Variants in NAV1 observed in about 807,000 individuals in gnomAD.
The protein encoded by NAV1 is pore membrane and/or filament interacting like protein 3.
NAV1 carries 18 observed loss-of-function variants against 175.2 expected under a neutral mutation model. That is an observed-to-expected ratio of 0.10 (90% CI 0.07 to 0.15). The LOEUF is 0.15. NAV1 is among the 10% of genes least tolerant of loss of function. The probability of loss-of-function intolerance (pLI) is 1.00; values close to 1 mark genes in which losing one functional copy is unlikely to be tolerated. For synonymous variants in NAV1, 897 were observed against 978.7 expected, an observed-to-expected ratio of 0.92 and a Z score of 1.56; for missense variants, 1,731 against 2,436.6, an observed-to-expected ratio of 0.71 and a Z score of 6.10.
intron 2 of NAV1, among the ~76,000 whole-genome samples, chr1:201,589,272 T>G (rs981660862): frequency 6.6e-6 from 1 of 152,212 alleles, no homozygotes; most frequent in Non-Finnish European, 1.5e-5. Flanking sequence ...CCCATTAACA[T>G]GCAGCAGAAA....
chr1:201,546,116 G>C (rs1415255876), intron 1 of NAV1, among the ~76,000 whole-genome samples: 1 of 152,216 alleles, frequency 6.6e-6, no homozygotes, highest in African/African-American at 2.4e-5. Context: ...GCCCCAGCCA[G>C]GACCCATACG....
intron 2 of NAV1, among the ~76,000 whole-genome samples, chr1:201,612,678 C>T (rs564360398): frequency 2.6e-5 from 4 of 152,166 alleles, no homozygotes; most frequent in Non-Finnish European, 5.9e-5. Flanking sequence ...GTGTAGCCCT[C>T]ATGACCTAAT....
chr1:201,546,323 G>A (rs895567792), intron 1 of NAV1, among the ~76,000 whole-genome samples: 5 of 152,210 alleles, frequency 3.3e-5, no homozygotes, highest in Non-Finnish European at 7.3e-5. Context: ...GATTTAGAAG[G>A]TGTCAGCCAC....
At chr1:201,798,994 G>A (rs1316914534) in intron 15 of NAV1, among the ~76,000 whole-genome samples, 1 of 151,766 alleles carries the variant, frequency 6.6e-6, no homozygotes, top group Non-Finnish European at 1.5e-5. Flanking sequence ...GAGCCACCGT[G>A]TCCAGCCACT....
chr1:201,785,481 G>A, intron 8 of NAV1, 130 bp downstream of exon 12: 4 of 955,786 alleles, frequency 4.2e-6, no homozygotes, highest in South Asian at 3.0e-5. Context: ...TTTGTATGTG[G>A]TCCCATACAA....
chr1:201,607,870 TTGTGTGTGTGTGTGTGTG>T (rs57110688), intron 2 of NAV1, among the ~76,000 whole-genome samples: 30 of 138,256 alleles, frequency 2.2e-4, no homozygotes, highest in East Asian at 4.2e-4. Context: ...GATAACTTTA[TTGTGTGTGTGTGTGTGTG>T]TGTGTGTGTG....
In NAV1 at chr1:201,685,019, G is replaced by A. The variant is rs561730347; in HGVS notation, c.758-27798G>A. ...TGGCCGGGCGCGGTGGCTTATGCCT[G>A]TAATCCCAACTGTTTGGGGAGGCCA... On this transcript the variant is annotated intron_variant, in intron 1 of 29. Coordinates refer to ENST00000367296, the Ensembl canonical transcript of NAV1. Among the ~76,000 whole-genome samples the A allele has an allele frequency of 4.6e-4, 68 of 148,994 alleles. 1 individual carries two copies. The highest frequency in any genetic ancestry group is 1.6e-3 in the African/African-American group (63 of 40,440).
chr1:201,642,560 C>CTTTCTTTCTTTCTTTCTTA, intron 2 of NAV1, among the ~76,000 whole-genome samples: 1 of 32,918 alleles, frequency 3.0e-5, no homozygotes, highest in Admixed American at 3.9e-4. Context: ...TTTCTTTTTT[C>CTTTCTTTCTTTCTTTCTTA]CCTTTCTTCC....
At chr1:201,702,367 T>C (rs1671461945) in intron 1 of NAV1, among the ~76,000 whole-genome samples, 2 of 152,194 alleles carry the variant, frequency 1.3e-5, no homozygotes, top group East Asian at 3.8e-4. Flanking sequence ...TTATTTGTTT[T>C]TTTTATTATT....
chr1:201,740,009 C>T lies in NAV1; in HGVS notation c.1226+21254C>T, dbSNP rs1050072662. ...TGGGTGCCCACCCGGTGAATGGCCG[C>T]CTGAGCCGGGGAAGATGCTTCATCT... On this transcript the variant is annotated intron_variant, in intron 3 of 29. Transcript: ENST00000367296. The surrounding 1 kb of genome is among the most constrained non-coding windows in gnomAD (Gnocchi z 4.7). The T allele has an allele frequency of 2.0e-6, 3 of 1,473,702 alleles. No homozygotes were observed. The highest frequency in any genetic ancestry group is 2.7e-6 in the Non-Finnish European group (3 of 1,109,740). 91.3% of individuals were successfully genotyped at this position (1,473,702 alleles called of 1,614,324 possible). A position where few individuals can be genotyped will look rare whatever the true frequency, so the allele number is the denominator to read the frequency against.
chr1:201,611,799 C>T (rs931496392), intron 2 of NAV1, among the ~76,000 whole-genome samples: 1 of 152,136 alleles, frequency 6.6e-6, no homozygotes, highest in African/African-American at 2.4e-5. Context: ...TCGGAGGACA[C>T]AGAGCACCTC....
intron 15 of NAV1, among the ~76,000 whole-genome samples, chr1:201,802,136 C>CAAAAAAAAAAAAAA (rs771631007): frequency 1.5e-4 from 3 of 20,316 alleles, no homozygotes; most frequent in South Asian, 3.1e-3. Flanking sequence ...GACTCCGTCT[C>CAAAAAAAAAAAAAA]AAAAAAAAAA....
At chr1:201,596,011 G>A (rs1013188380) in intron 2 of NAV1, among the ~76,000 whole-genome samples, 12 of 152,232 alleles carry the variant, frequency 7.9e-5, no homozygotes, top group African/African-American at 2.9e-4. Flanking sequence ...GGAGCCAGCA[G>A]CCTGGGCTTA....
At chr1:201,569,740 C>T (rs1020393229) in intron 1 of NAV1, among the ~76,000 whole-genome samples, 2 of 152,164 alleles carry the variant, frequency 1.3e-5, no homozygotes. Flanking sequence ...CAGTTAGTAA[C>T]CCCCTCATGA....
intron 1 of NAV1, among the ~76,000 whole-genome samples, chr1:201,664,511 G>T (rs1669739397): frequency 6.6e-6 from 1 of 152,196 alleles, no homozygotes; most frequent in East Asian, 1.9e-4. Context: ...GTAACACACT[G>T]AGCACAGTGC....
At chr1:201,709,133 A>G (rs909387420) in intron 1 of NAV1, among the ~76,000 whole-genome samples, 2 of 144,556 alleles carry the variant, frequency 1.4e-5, no homozygotes, top group African/African-American at 5.2e-5. Flanking sequence ...AGACAGAGTA[A>G]GACCCTGTCT....
At chr1:201,646,950 G>A (rs1160363336), upstream of NAV1, among the ~76,000 whole-genome samples, 4 of 152,184 alleles carry the variant, frequency 2.6e-5, no homozygotes, top group East Asian at 1.9e-4. Context: ...CACACACAGC[G>A]TTCTTCAGAT....
chr1:201,613,600 T>C (rs1244168541), intron 2 of NAV1, among the ~76,000 whole-genome samples: 4 of 152,196 alleles, frequency 2.6e-5, no homozygotes, highest in Admixed American at 6.5e-5. Flanking sequence ...TGGTGGCTCA[T>C]GCCTGTAATC....
intron 1 of NAV1, 150 bp downstream of exon 5, chr1:201,649,575 A>C (rs1429621009): frequency 7.5e-7 from 1 of 1,325,118 alleles, no homozygotes; most frequent in African/African-American, 1.5e-5. Flanking sequence ...TTGCGCCCAG[A>C]TGTGCTGAGC....
Sources: gnomAD v4.1 joint callset for allele counts (sites outside exome capture counted in the v4.1 genomes callset) on GRCh38, gnomAD v4.1.1 for gene constraint, Gnocchi (gnomAD v3.1) non-coding constraint, MANE v1.5 for transcripts, NCBI Gene and HGNC (gene_info 2026-07-23, HGNC 2026-07-21) for gene names.